Variants in PTPN13 observed in about 807,000 individuals in gnomAD.
PTPN13 encodes tyrosine-protein phosphatase non-receptor type 13.
In PTPN13, 191 loss-of-function variants were observed where a neutral mutation model predicts 284.0. That is an observed-to-expected ratio of 0.67 (90% CI 0.60 to 0.76). The LOEUF (loss-of-function observed/expected upper bound fraction) is 0.76, where lower values mean the gene tolerates loss of function less well. PTPN13 is among the 30% of genes least tolerant of loss of function. The pLI is 0.00. For synonymous variants in PTPN13, 986 were observed against 1,022.3 expected, an observed-to-expected ratio of 0.96 and a Z score of 0.68; for missense variants, 2,797 against 2,939.9, an observed-to-expected ratio of 0.95 and a Z score of 1.12.
intron 7 of PTPN13, among the ~76,000 whole-genome samples, chr4:86,703,728 G>A (rs1179550388): frequency 6.6e-6 from 1 of 152,094 alleles, no homozygotes; most frequent in Non-Finnish European, 1.5e-5. Flanking sequence ...AATTATCCAA[G>A]TGTGGTGGTG....
At chr4:86,623,162 T>C (rs1721453111) in intron 1 of PTPN13, among the ~76,000 whole-genome samples, 1 of 152,218 alleles carries the variant, frequency 6.6e-6, no homozygotes, top group African/African-American at 2.4e-5. Context: ...GCTGAAAACC[T>C]CCCGGGGGTC....
intron 7 of PTPN13, among the ~76,000 whole-genome samples, chr4:86,702,764 C>A (rs896659787): frequency 2.0e-5 from 3 of 151,998 alleles, no homozygotes; most frequent in African/African-American, 7.2e-5. Context: ...TAATCTAATT[C>A]TGTACATTTT....
At chr4:86,716,699 A>G (rs1295284409) in intron 8 of PTPN13, 74 bp downstream of exon 8, 2 of 1,071,696 alleles carry the variant, frequency 1.9e-6, no homozygotes, top group Non-Finnish European at 2.7e-6. Flanking sequence ...GTGTTCAAAT[A>G]TTAATATAAA....
chr4:86,635,509 A>G (rs1272514011), intron 2 of PTPN13, 138 bp downstream of exon 2: 21 of 1,318,446 alleles, frequency 1.6e-5, no homozygotes, highest in Non-Finnish European at 2.0e-5. Flanking sequence ...TACTTTCCTT[A>G]TCTCTTTTAG....
At chr4:86,661,415 ACTTT>A (rs1285967742) in intron 2 of PTPN13, among the ~76,000 whole-genome samples, 4 of 152,176 alleles carry the variant, frequency 2.6e-5, no homozygotes, top group Non-Finnish European at 5.9e-5. Context: ...TTAAAATTTT[ACTTT>A]CTTGGGGTGA....
chr4:86,722,584 A>G, intron 10 of PTPN13, 150 bp downstream of exon 10: 2 of 623,134 alleles, frequency 3.2e-6, no homozygotes, highest in Non-Finnish European at 5.7e-6. Flanking sequence ...GGGATTAAAT[A>G]TCTTTTTGGT....
intron 7 of PTPN13, among the ~76,000 whole-genome samples, chr4:86,713,345 C>T (rs1463118504): frequency 3.3e-5 from 5 of 152,088 alleles, no homozygotes; most frequent in Non-Finnish European, 5.9e-5. Flanking sequence ...TTGAAAATGG[C>T]AGTTCCTCTT....
At chr4:86,800,600 C>T (rs1452244381) in intron 42 of PTPN13, among the ~76,000 whole-genome samples, 3 of 150,580 alleles carry the variant, frequency 2.0e-5, no homozygotes, top group Non-Finnish European at 1.5e-5. Flanking sequence ...TGCAATGAGC[C>T]GAGATTGCGT....
At chr4:86,642,919 G>A (rs1313696943) in intron 2 of PTPN13, among the ~76,000 whole-genome samples, 4 of 152,176 alleles carry the variant, frequency 2.6e-5, no homozygotes, top group Non-Finnish European at 4.4e-5. Context: ...ATCTTTAGAA[G>A]TGAGGTTATT....
At chr4:86,633,210 T>C (rs1370084497) in intron 1 of PTPN13, among the ~76,000 whole-genome samples, 1 of 152,182 alleles carries the variant, frequency 6.6e-6, no homozygotes, top group African/African-American at 2.4e-5. Context: ...GGATTTCATA[T>C]AGGTCCAAGC....
chr4:86,696,593 C>T (rs929868538), intron 6 of PTPN13, among the ~76,000 whole-genome samples: 1 of 151,642 alleles, frequency 6.6e-6, no homozygotes, highest in African/African-American at 2.4e-5. Flanking sequence ...TCTAATAGTT[C>T]CTTAGAATTC....
chr4:86,608,923 CAA>C (rs1157475365), intron 1 of PTPN13, among the ~76,000 whole-genome samples: 2 of 152,144 alleles, frequency 1.3e-5, no homozygotes, highest in African/African-American at 4.8e-5. Flanking sequence ...TGACTGCTAA[CAA>C]AGTTTCTTTT....
At chr4:86,811,246 ATT>A in intron 47 of PTPN13, 138 bp downstream of exon 47, 3 of 657,288 alleles carry the variant, frequency 4.6e-6, no homozygotes, top group Non-Finnish European at 2.3e-6. Flanking sequence ...AGTGAGGGGC[ATT>A]TTTTTTTAAA....
intron 24 of PTPN13, 78 bp downstream of exon 24, chr4:86,763,268 A>C: frequency 1.8e-6 from 2 of 1,133,398 alleles, no homozygotes; most frequent in Non-Finnish European, 2.6e-6. Context: ...GAGCACAATA[A>C]TCTACAAGAT....
Position 86,750,672 on chromosome 4 carries a change from A to G in PTPN13, c.2853A>G (p.Lys951=), listed in dbSNP as rs776527423. Residue 951 remains lysine (K), a synonymous_variant, in exon 18 of 48, where the codon AAA becomes AAG. Transcript: ENST00000411767. ...SLYQPLQNSS[K]EKNDKASWEE... ...ACCAGCCATTGCAAAACAGTTCAAAAGAGAAGAATGACAAAGCTTCATGGG... is the reference window on the plus strand; with the variant it reads ...ACCAGCCATTGCAAAACAGTTCAAAGGAGAAGAATGACAAAGCTTCATGGG... The G allele has an allele frequency of 8.7e-6, 14 of 1,613,992 alleles. No homozygotes were observed. In the East Asian group the frequency reaches 2.9e-4, roughly 33 times the overall value.
chr4:86,648,804 A>G (rs560633940), intron 2 of PTPN13, among the ~76,000 whole-genome samples: 9 of 152,300 alleles, frequency 5.9e-5, no homozygotes, highest in Admixed American at 3.3e-4. Context: ...AGAAACCTCC[A>G]TACTATTCTC....
At chr4:86,701,149 A>G (rs72665786) in intron 6 of PTPN13, 92 bp from the exon 7 acceptor site, 160 of 974,800 alleles carry the variant, frequency 1.6e-4, no homozygotes, top group Non-Finnish European at 2.1e-4. Context: ...GCATTTAGGA[A>G]ATTGCCACCA....
At chr4:86,725,130 G>A (rs1182640344) in intron 10 of PTPN13, among the ~76,000 whole-genome samples, 2 of 151,864 alleles carry the variant, frequency 1.3e-5, no homozygotes, top group African/African-American at 4.8e-5. Flanking sequence ...ATCCATGTCT[G>A]TGCAAAGGAC....
chr4:86,673,231 G>T (rs1197807637), intron 3 of PTPN13, among the ~76,000 whole-genome samples: 1 of 152,164 alleles, frequency 6.6e-6, no homozygotes, highest in Non-Finnish European at 1.5e-5. Flanking sequence ...ATGGCAGGAT[G>T]AAATAAATGC....
Sources: gnomAD v4.1 joint callset for allele counts (sites outside exome capture counted in the v4.1 genomes callset) on GRCh38, gnomAD v4.1.1 for gene constraint, MANE v1.5 for transcripts, NCBI Gene and HGNC (gene_info 2026-07-23, HGNC 2026-07-21) for gene names.